DLG2: variants seen among roughly 807,000 people sequenced by gnomAD.
DLG2 encodes disks large homolog 2.
A neutral mutation model predicts 132.5 loss-of-function variants in DLG2; 45 were observed. The observed-to-expected ratio is 0.34, with a 90% CI of 0.27 to 0.44. The LOEUF is 0.44. Ranked by LOEUF, DLG2 falls within the 20% of genes least tolerant of loss-of-function variation. The pLI is 1.00. For missense variants in DLG2, 1,045 were observed against 1,196.9 expected, an observed-to-expected ratio of 0.87 and a Z score of 1.87; for synonymous variants, 424 against 419.6, an observed-to-expected ratio of 1.01 and a Z score of -0.13.
At chr11:83,734,873 C>T (rs536808308) in intron 18 of DLG2, among the ~76,000 whole-genome samples, 270 of 151,794 alleles carry the variant, frequency 1.8e-3, no homozygotes, top group Non-Finnish European at 3.4e-3. Context: ...GTTATATATA[C>T]ATTAATATTA....
At chr11:84,516,829 T>C (rs896331420) in intron 7 of DLG2, among the ~76,000 whole-genome samples, 1 of 150,892 alleles carries the variant, frequency 6.6e-6, no homozygotes, top group African/African-American at 2.4e-5. Flanking sequence ...CTCAACATAA[T>C]ATTAGCAATG....
intron 9 of DLG2, among the ~76,000 whole-genome samples, chr11:84,106,496 C>T (rs1405136478): frequency 6.6e-6 from 1 of 151,946 alleles, no homozygotes; most frequent in African/African-American, 2.4e-5. Context: ...ATGTATGTGT[C>T]CTGGAACAAA....
chr11:85,539,700 A>G (rs959094434), intron 3 of DLG2, among the ~76,000 whole-genome samples: 1 of 152,222 alleles, frequency 6.6e-6, no homozygotes, highest in Non-Finnish European at 1.5e-5. Flanking sequence ...AATGAGTTTA[A>G]CCGATAAATA....
intron 6 of DLG2, among the ~76,000 whole-genome samples, chr11:84,722,444 G>A (rs1420535540): frequency 6.6e-6 from 1 of 152,110 alleles, no homozygotes; most frequent in Non-Finnish European, 1.5e-5. Context: ...AAACCTTTAA[G>A]TCAAAGACAG....
intron 18 of DLG2, among the ~76,000 whole-genome samples, chr11:83,776,425 A>G (rs2094585708): frequency 6.6e-6 from 1 of 152,130 alleles, no homozygotes; most frequent in South Asian, 2.1e-4. Context: ...GTCTGCCACC[A>G]TGCTTATCCA....
At chr11:85,190,823 T>A (rs142390981) in intron 4 of DLG2, among the ~76,000 whole-genome samples, 20 of 152,282 alleles carry the variant, frequency 1.3e-4, no homozygotes, top group African/African-American at 4.3e-4. Flanking sequence ...CATCTTACAC[T>A]GGTCAGAATG....
intron 6 of DLG2, among the ~76,000 whole-genome samples, chr11:84,973,705 G>C (rs767044327): frequency 6.6e-6 from 1 of 152,118 alleles, no homozygotes; most frequent in Non-Finnish European, 1.5e-5. Context: ...AAAAGGGCTG[G>C]ATAGTAAATA....
At chr11:84,716,483 A>T (rs927636296) in intron 6 of DLG2, among the ~76,000 whole-genome samples, 1 of 152,120 alleles carries the variant, frequency 6.6e-6, no homozygotes, top group African/African-American at 2.4e-5. Flanking sequence ...AAGATAAAGG[A>T]AAGAGAAATA....
intron 3 of DLG2, among the ~76,000 whole-genome samples, chr11:85,455,583 G>A (rs988723960): frequency 7.2e-5 from 11 of 152,172 alleles, no homozygotes; most frequent in Middle Eastern, 3.4e-3. Flanking sequence ...GGTGAGAGAG[G>A]GTGTACTGGT....
At chr11:84,801,427 C>T (rs538909887) in intron 6 of DLG2, among the ~76,000 whole-genome samples, 1 of 152,232 alleles carries the variant, frequency 6.6e-6, no homozygotes, top group South Asian at 2.1e-4. Flanking sequence ...AAAAACTAGC[C>T]GGGTGTGGTG....
chr11:85,141,297 A>T (rs1248799242), intron 5 of DLG2, among the ~76,000 whole-genome samples: 1 of 151,678 alleles, frequency 6.6e-6, no homozygotes, highest in African/African-American at 2.4e-5. Context: ...TGTTGTTTTG[A>T]TTTGCATTTC....
intron 3 of DLG2, among the ~76,000 whole-genome samples, chr11:85,549,490 A>T (rs998603348): frequency 1.3e-5 from 2 of 152,198 alleles, no homozygotes; most frequent in Admixed American, 1.3e-4. Flanking sequence ...TCCCAATACA[A>T]TTGTAAATTG....
chr11:84,051,149 A>G (rs1251650235), intron 11 of DLG2, among the ~76,000 whole-genome samples: 3 of 151,990 alleles, frequency 2.0e-5, no homozygotes, highest in African/African-American at 4.8e-5. Context: ...GATGTGGAGA[A>G]ATAGGAACAC....
chr11:85,458,920 G>A (rs1162570421), intron 3 of DLG2, among the ~76,000 whole-genome samples: 1 of 152,172 alleles, frequency 6.6e-6, no homozygotes. Flanking sequence ...CAGTGGTTAT[G>A]GCAGAGAGCC....
intron 7 of DLG2, among the ~76,000 whole-genome samples, chr11:84,456,717 T>C (rs1201001133): frequency 6.6e-6 from 1 of 151,380 alleles, no homozygotes; most frequent in Non-Finnish European, 1.5e-5. Context: ...ACATTGCACT[T>C]ATCAGCTTCT....
rs534311576 is a variant in DLG2 at position 84,182,434 on chromosome 11, C to T, written c.574-18923G>A. On this transcript the variant is annotated intron_variant, in intron 8 of 27. Coordinates refer to ENST00000376104, the MANE Select transcript of DLG2 (RefSeq NM_001142699.3). ...TGGTCCCAGCTACTTGAAAGGCTGA[C>T]GCAGGAGGATCACGTGCCCAGGAGG... Among the ~76,000 whole-genome samples the T allele has an allele frequency of 1.3e-4, 19 of 150,688 alleles. No homozygotes were observed. The South Asian group carries it at 2.3e-3, about 18-fold the overall frequency.
At chr11:85,356,672 A>AC (rs1174436514) in intron 3 of DLG2, among the ~76,000 whole-genome samples, 10 of 152,174 alleles carry the variant, frequency 6.6e-5, no homozygotes, top group African/African-American at 2.2e-4. Flanking sequence ...TTTCATATTT[A>AC]CAAAAGAGGT....
rs184578899 is a variant in DLG2, at chr11:85,170,974, T to C, written c.187-16323A>G. 1.7e-3 allele frequency among the ~76,000 whole-genome samples: 262 copies of C among 150,860 alleles called. 1 individual carries two copies. Among genetic ancestry groups the C allele is most frequent in the African/African-American group, 6.2e-3 (255 of 41,214 alleles). ...CAGGGGAGAAGGGAAAGCTCTTCCT[T>C]ACAGGAAAATGTCAACAAATACACG... is the stretch of plus-strand genomic sequence containing the variant. On this transcript the variant is annotated intron_variant, in intron 4 of 27. Coordinates refer to ENST00000376104, the MANE Select transcript of DLG2 (RefSeq NM_001142699.3).
chr11:84,380,721 C>T (rs995599636), intron 7 of DLG2, among the ~76,000 whole-genome samples: 6 of 151,736 alleles, frequency 4.0e-5, no homozygotes, highest in Non-Finnish European at 5.9e-5. Flanking sequence ...AAAAACAGAA[C>T]AAATATTTCA....
Sources: allele counts gnomAD v4.1 joint callset (sites outside exome capture counted in the v4.1 genomes callset), GRCh38; gene constraint gnomAD v4.1.1; transcripts MANE v1.5; gene names NCBI Gene and HGNC (gene_info 2026-07-23, HGNC 2026-07-21).